The following MARCHF3 variants were observed in gnomAD, a reference collection of about 807,000 sequenced individuals.
The protein encoded by MARCHF3 is membrane associated ring-CH-type finger 3, also known as E3 ubiquitin-protein ligase MARCHF3.
Under a neutral mutation model 24.2 loss-of-function variants are expected in MARCHF3, and 13 were observed. The ratio of observed to expected loss-of-function variants is 0.54; its 90% CI spans 0.35 to 0.85. The LOEUF (loss-of-function observed/expected upper bound fraction) is 0.85. Among genes scored for constraint, MARCHF3 ranks in the 40% least tolerant of loss-of-function variants. MARCHF3 has a pLI of 0.01. For missense variants in MARCHF3, 276 were observed against 325.0 expected (o/e 0.85, Z 1.16); for synonymous variants, 144 against 137.3 (o/e 1.05, Z -0.34).
At chr5:126,927,801 G>T (rs1027540312) in intron 1 of MARCHF3, among the ~76,000 whole-genome samples, 3 of 150,962 alleles carry the variant, frequency 2.0e-5, no homozygotes, top group Admixed American at 6.6e-5. Context: ...CTGTTTGTTT[G>T]TTTTTTTTTG....
chr5:127,004,293 C>T (rs1167777489), intron 1 of MARCHF3, among the ~76,000 whole-genome samples: 1 of 152,106 alleles, frequency 6.6e-6, no homozygotes, highest in African/African-American at 2.4e-5. Flanking sequence ...GTGGAAATGG[C>T]CCTGACACAG....
At chr5:126,896,052 G>A (rs1307976374) in intron 3 of MARCHF3, among the ~76,000 whole-genome samples, 2 of 152,114 alleles carry the variant, frequency 1.3e-5, no homozygotes, top group Non-Finnish European at 2.9e-5. Flanking sequence ...GCAGTATTCC[G>A]GTGGGAGTGA....
intron 1 of MARCHF3, among the ~76,000 whole-genome samples, chr5:127,015,384 G>A (rs1357492668): frequency 6.6e-6 from 1 of 152,130 alleles, no homozygotes; most frequent in Non-Finnish European, 1.5e-5. Flanking sequence ...GGGAGGAGGG[G>A]AAAGTGAAGT....
intron 3 of MARCHF3, among the ~76,000 whole-genome samples, chr5:126,896,358 G>C (rs1436739953): frequency 1.3e-5 from 2 of 152,138 alleles, no homozygotes; most frequent in African/African-American, 4.8e-5. Context: ...TAAGGGGTAA[G>C]GGGTAACAGC....
intron 3 of MARCHF3, among the ~76,000 whole-genome samples, chr5:126,911,446 A>T (rs1170940230): frequency 6.6e-6 from 1 of 152,224 alleles, no homozygotes; most frequent in Non-Finnish European, 1.5e-5. Context: ...CACTTAGGGA[A>T]AATAGAAAAG....
At chr5:126,909,067 G>C (rs1209462478) in intron 3 of MARCHF3, among the ~76,000 whole-genome samples, 1 of 152,180 alleles carries the variant, frequency 6.6e-6, no homozygotes, top group African/African-American at 2.4e-5. Flanking sequence ...CAGGTCTGTT[G>C]GAGTACCCGG....
intron 1 of MARCHF3, among the ~76,000 whole-genome samples, chr5:126,999,823 G>A (rs1189228953): frequency 6.6e-6 from 1 of 152,068 alleles, no homozygotes; most frequent in African/African-American, 2.4e-5. Context: ...CATTACTAAT[G>A]TACCACACTG....
chr5:126,903,972 C>T (rs987037593), intron 3 of MARCHF3, among the ~76,000 whole-genome samples: 5 of 127,724 alleles, frequency 3.9e-5, no homozygotes, highest in African/African-American at 1.2e-4. Context: ...CCTCCCCCCA[C>T]CCCACAACAG....
intron 1 of MARCHF3, among the ~76,000 whole-genome samples, chr5:126,967,868 C>G (rs898043838): frequency 6.6e-6 from 1 of 152,078 alleles, no homozygotes; most frequent in African/African-American, 2.4e-5. Context: ...ATATACAATT[C>G]AGTGGTTTTT....
At chr5:126,976,586 C>T (rs1751206883) in intron 1 of MARCHF3, among the ~76,000 whole-genome samples, 2 of 152,200 alleles carry the variant, frequency 1.3e-5, no homozygotes, top group African/African-American at 4.8e-5. Flanking sequence ...CCTTGACCTG[C>T]CTTGGGGCCA....
At chr5:126,914,703 G>T in intron 3 of MARCHF3, 1 of 579,570 alleles carries the variant, frequency 1.7e-6, no homozygotes, top group Non-Finnish European at 3.1e-6. Flanking sequence ...TCTACTGCTG[G>T]ATCCCAAGTG....
chr5:126,955,139 T>A (rs1750397021), intron 1 of MARCHF3, among the ~76,000 whole-genome samples: 2 of 152,232 alleles, frequency 1.3e-5, no homozygotes, highest in Admixed American at 1.3e-4. Flanking sequence ...TTCCACCATA[T>A]TCATTCATTC....
At chr5:126,998,140 T>G in intron 1 of MARCHF3, among the ~76,000 whole-genome samples, 1 of 152,200 alleles carries the variant, frequency 6.6e-6, no homozygotes, top group East Asian at 1.9e-4. Context: ...AACTTTTATC[T>G]TTTATTTTGT....
chr5:126,998,432 G>A (rs1444101574), intron 1 of MARCHF3, among the ~76,000 whole-genome samples: 2 of 152,234 alleles, frequency 1.3e-5, no homozygotes, highest in African/African-American at 4.8e-5. Context: ...AGTGAAACTG[G>A]AGAAGCTACA....
At chr5:126,915,932 T>C (rs1296567263) in intron 2 of MARCHF3, among the ~76,000 whole-genome samples, 1 of 152,186 alleles carries the variant, frequency 6.6e-6, no homozygotes, top group African/African-American at 2.4e-5. Context: ...AGTAACTTCA[T>C]CTCCCCATAC....
At chr5:126,872,931 G>A (rs745532062) in intron 4 of MARCHF3, among the ~76,000 whole-genome samples, 2 of 152,078 alleles carry the variant, frequency 1.3e-5, no homozygotes, top group African/African-American at 2.4e-5. Context: ...TGTAGGAGAG[G>A]CAGGCTGGGA....
chr5:126,973,782 T>C (rs1270265184), intron 1 of MARCHF3, among the ~76,000 whole-genome samples: 1 of 152,060 alleles, frequency 6.6e-6, no homozygotes, highest in Non-Finnish European at 1.5e-5. Flanking sequence ...CCTAAGGTGA[T>C]GGCCATAAAG....
At chr5:126,993,035 T>G (rs534232409) in intron 1 of MARCHF3, among the ~76,000 whole-genome samples, 2 of 152,056 alleles carry the variant, frequency 1.3e-5, no homozygotes, top group Non-Finnish European at 2.9e-5. Flanking sequence ...GCCTCCCAAA[T>G]TGCTGGGATT....
At chr5:126,979,437 G>A (rs1294980860) in intron 1 of MARCHF3, among the ~76,000 whole-genome samples, 2 of 152,176 alleles carry the variant, frequency 1.3e-5, no homozygotes, top group East Asian at 3.8e-4. Context: ...TCCATTTTGG[G>A]AAGACTGTAA....
Sources: gnomAD v4.1 joint callset for allele counts (sites outside exome capture counted in the v4.1 genomes callset) on GRCh38, gnomAD v4.1.1 for gene constraint, MANE v1.5 for transcripts, NCBI Gene and HGNC (gene_info 2026-07-23, HGNC 2026-07-21) for gene names.